The following METTL23 variants were observed in gnomAD, a reference collection of about 807,000 sequenced individuals.
The protein encoded by METTL23 is histone-arginine methyltransferase METTL23.
A neutral mutation model predicts 21.2 loss-of-function variants in METTL23; 24 were observed. That is an observed-to-expected ratio of 1.13 (90% CI 0.82 to 1.59). The LOEUF is 1.59. METTL23 is among the 40% of genes most tolerant of loss of function. The pLI is 0.00. For missense variants in METTL23, 276 were observed against 221.4 expected (o/e 1.25, Z -1.57); for synonymous variants, 97 against 75.2 (o/e 1.29, Z -1.50).
intron 1 of METTL23, 73 bp downstream of exon 1, chr17:76,727,251 G>T: frequency 5.7e-6 from 2 of 351,466 alleles, no homozygotes; most frequent in Non-Finnish European, 1.1e-5. Flanking sequence ...CTGGGTTCCT[G>T]AGGGACCGGG....
At chr17:76,730,537 G>A (rs966655989) in intron 2 of METTL23, among the ~76,000 whole-genome samples, 2 of 152,220 alleles carry the variant, frequency 1.3e-5, no homozygotes, top group Non-Finnish European at 2.9e-5. Flanking sequence ...TCTAGATGAA[G>A]CCCCTGAACT....
intron 1 of METTL23, among the ~76,000 whole-genome samples, chr17:76,727,572 C>T (rs1339279859): frequency 6.6e-6 from 1 of 152,232 alleles, no homozygotes; most frequent in African/African-American, 2.4e-5. Context: ...TTCTTTTGAT[C>T]TTGTCCAAGG....
intron 2 of METTL23, 114 bp from the exon 3 acceptor site, chr17:76,732,862 AAG>A (rs1284700110): frequency 2.4e-6 from 2 of 823,916 alleles, no homozygotes; most frequent in Admixed American, 4.9e-5. Context: ...CAAACCCAGA[AAG>A]ACTGACTCTA....
chr17:76,726,209 C>A, upstream of METTL23: 1 of 1,235,550 alleles, frequency 8.1e-7, no homozygotes, highest in Non-Finnish European at 1.1e-6. Flanking sequence ...CTCGGGGACC[C>A]CAAACTCCGC....
upstream of METTL23, chr17:76,726,748 G>A (rs1967745967): frequency 2.1e-6 from 1 of 469,210 alleles, no homozygotes; most frequent in Non-Finnish European, 4.0e-6. Context: ...CACATACGGC[G>A]GGCCTCCGCC....
rs564985355 is a variant in METTL23, at chr17:76,733,130, A to G, written c.237A>G (p.Leu79=). ...TGCCACATCTGCAGGTGGTAGGACT[A>G]ACATGGGGTCATATATCTTGGGATC... is the stretch of plus-strand genomic sequence containing the variant. ...NNLPHLQVVG[L]TWGHISWDLL... is the part of the protein sequence containing the mutation. The change falls in exon 3 of 5, where the codon CTA becomes CTG. Residue 79 remains leucine (L), a synonymous_variant. Coordinates refer to ENST00000341249, the MANE Select transcript of METTL23 (RefSeq NM_001080510.5). The G allele has an allele frequency of 8.6e-5, 139 of 1,613,818 alleles. No individual in the cohort carries two copies. The highest frequency in any genetic ancestry group is 1.1e-4 in the Non-Finnish European group (130 of 1,179,816).
At chr17:76,733,481 A>C in intron 4 of METTL23, 40 bp from the exon 5 acceptor site, 1 of 1,600,618 alleles carries the variant, frequency 6.2e-7, no homozygotes, top group African/African-American at 1.3e-5. Context: ...AGCAAAACAG[A>C]AAAGGCATGA....
chr17:76,726,545 C>T, upstream of METTL23: 1 of 1,512,222 alleles, frequency 6.6e-7, no homozygotes, highest in Non-Finnish European at 8.8e-7. Flanking sequence ...ACGCACCCCT[C>T]CCCGGCCTGG....
chr17:76,726,795 G>GCCCCC, upstream of METTL23: 1 of 229,258 alleles, frequency 4.4e-6, no homozygotes, highest in Non-Finnish European at 8.1e-6. Context: ...TCACCGCCCC[G>GCCCCC]CCCCGCCCCG....
chr17:76,732,684 A>C, intron 2 of METTL23: 1 of 420,824 alleles, frequency 2.4e-6, no homozygotes, highest in Non-Finnish European at 4.3e-6. Context: ...AGAGGAATCA[A>C]GTGCCCCAAA....
chr17:76,732,073 T>A (rs1456828175), intron 2 of METTL23, among the ~76,000 whole-genome samples: 1 of 152,118 alleles, frequency 6.6e-6, no homozygotes, highest in African/African-American at 2.4e-5. Flanking sequence ...GAAGTGAAAA[T>A]TAGGCTGAGT....
chr17:76,728,518 C>A (rs2077060877), intron 1 of METTL23, among the ~76,000 whole-genome samples: 1 of 150,454 alleles, frequency 6.6e-6, no homozygotes, highest in South Asian at 2.1e-4. Context: ...TCAAGTGATT[C>A]TCCTGCCTCA....
chr17:76,733,352 T>C lies in METTL23; in HGVS notation c.382T>C (p.Leu128=), dbSNP rs202061530. The part of the protein sequence containing the change: ...FLMHKNPKVQ[L]WSTYQVRSAD... ...GATGCACAAGAATCCCAAGGTCCAA[T>C]TGTGGTCTACTTATCAAGTTAGGAG... The change falls in exon 4 of 5, where the codon TTG becomes CTG. Residue 128 remains leucine, a synonymous_variant. Transcript: ENST00000341249. The C allele has an allele frequency of 2.0e-5, 32 of 1,613,836 alleles. No homozygotes were observed. The African/African-American group carries it at 3.3e-4, about 17-fold the overall frequency.
intron 3 of METTL23, 38 bp from the exon 4 acceptor site, chr17:76,733,255 G>A: frequency 1.9e-6 from 3 of 1,612,818 alleles, no homozygotes; most frequent in Middle Eastern, 1.6e-4. Context: ...GGCCAGTGAT[G>A]CTATATGAAA....
At chr17:76,730,947 C>CA (rs577725411) in intron 2 of METTL23, among the ~76,000 whole-genome samples, 2 of 151,828 alleles carry the variant, frequency 1.3e-5, no homozygotes, top group Non-Finnish European at 2.9e-5. Flanking sequence ...ACTAAAAATA[C>CA]AAAAAAAATT....
At chr17:76,733,446 T>A (rs1443725934) in intron 4 of METTL23, 69 bp downstream of exon 4, 4 of 1,598,476 alleles carry the variant, frequency 2.5e-6, no homozygotes, top group Non-Finnish European at 3.4e-6. Flanking sequence ...ATGCGATACA[T>A]AATTTAAGAA....
rs1478238715 is a variant in METTL23 at position 76,726,866 on chromosome 17, C to T, written c.-334C>T. 5 of 432,786 alleles carry T rather than the reference C, an allele frequency of 1.2e-5. No homozygotes were observed. Among genetic ancestry groups the T allele is most frequent in the East Asian group, 7.5e-5 (1 of 13,282 alleles). The allele number at this position is 432,786 out of a possible 1,614,324, so 26.8% of individuals were successfully genotyped here. A position where few individuals can be genotyped will look rare whatever the true frequency, so the allele number is the denominator to read the frequency against. ...TTCCGGTCGCGCCAGCCGCCCGTTGCCAGTTCTGCGCGTGTGAGTCTCTTT... is the reference window on the plus strand; with the variant it reads ...TTCCGGTCGCGCCAGCCGCCCGTTGTCAGTTCTGCGCGTGTGAGTCTCTTT... On this transcript the variant is annotated 5_prime_UTR_variant, in exon 1 of 5. Coordinates refer to ENST00000341249, the MANE Select transcript of METTL23 (RefSeq NM_001080510.5).
intron 2 of METTL23, 107 bp from the exon 3 acceptor site, chr17:76,732,869 ACT>A (rs1385981474): frequency 1.3e-5 from 11 of 868,024 alleles, no homozygotes; most frequent in African/African-American, 1.7e-5. Context: ...AGAAAGACTG[ACT>A]CTATGCTTAT....
chr17:76,726,787 A>ACCGCC (rs541914921), upstream of METTL23: 259 of 399,746 alleles, frequency 6.5e-4, 1 homozygote, highest in African/African-American at 2.4e-3. Flanking sequence ...CGGCTGCGTC[A>ACCGCC]CCGCCCCGCC....
Sources: allele counts gnomAD v4.1 joint callset (sites outside exome capture counted in the v4.1 genomes callset), GRCh38; gene constraint gnomAD v4.1.1; transcripts MANE v1.5; gene names NCBI Gene and HGNC (gene_info 2026-07-23, HGNC 2026-07-21).